The following PCDHGC5 variants were observed in gnomAD, a reference collection of about 807,000 sequenced individuals.
PCDHGC5 encodes protocadherin gamma-C5.
In PCDHGC5, 25 loss-of-function variants were observed where a neutral mutation model predicts 59.0. That is an observed-to-expected ratio of 0.42 (90% CI 0.31 to 0.59). PCDHGC5 has a LOEUF of 0.59. PCDHGC5 is among the 20% of genes least tolerant of loss of function. The pLI is 0.13. For missense variants in PCDHGC5, 1,067 were observed against 1,206.4 expected, an observed-to-expected ratio of 0.88 and a Z score of 1.71; for synonymous variants, 434 against 505.5, an observed-to-expected ratio of 0.86 and a Z score of 1.90.
Position 141,491,676 on chromosome 5 carries a change from T to C in PCDHGC5, c.2436T>C (p.Ser812=). The change falls in exon 1 of 4, where the codon TCT becomes TCC. Residue 812 remains serine, a synonymous_variant. Coordinates refer to ENST00000252087, the MANE Select transcript of PCDHGC5 (RefSeq NM_018929.3). The surrounding 1 kb of genome is among the most constrained non-coding windows in gnomAD (Gnocchi z 6.9). ...AGCCTGACGCCATCCGGTCCCGCTC[T>C]AATACGCTGCGGGAGCGGAGCCAGG... ...ALEPDAIRSR[S]NTLRERSQQA... 3.1e-6 allele frequency: 5 copies of C among 1,613,546 alleles called. No individual in the cohort carries two copies. Among genetic ancestry groups the C allele is most frequent in the Non-Finnish European group, 4.2e-6 (5 of 1,179,848 alleles).
intron 2 of PCDHGC5, among the ~76,000 whole-genome samples, chr5:141,503,595 G>T (rs6892628): frequency 0.52 from 72,995 of 139,870 alleles, 19,322 homozygotes; most frequent in African/African-American, 0.64. Flanking sequence ...CGAGACTCCA[G>T]CTCAAAAAAA....
chr5:141,499,689 C>CTTTTT (rs545067566), intron 2 of PCDHGC5, among the ~76,000 whole-genome samples: 5 of 119,848 alleles, frequency 4.2e-5, no homozygotes, highest in Admixed American at 8.7e-5. Context: ...TAACAGATGA[C>CTTTTT]TTTTTTTTTT....
chr5:141,490,045 C>G lies in PCDHGC5; in HGVS notation c.805C>G (p.Pro269Ala), dbSNP rs530803072. 6 of 1,614,114 alleles carry G rather than the reference C, an allele frequency of 3.7e-6. No individual in the cohort carries two copies. The highest frequency in any genetic ancestry group is 5.1e-6 in the Non-Finnish European group (6 of 1,180,014). The change falls in exon 1 of 4, where the codon CCA (proline) becomes GCA (alanine). Residue 269 changes from proline (P) to alanine (A), a missense_variant. Pro to Ala is a conservative substitution (Grantham distance 27, BLOSUM62 -1). Coordinates refer to ENST00000252087, the MANE Select transcript of PCDHGC5 (RefSeq NM_018929.3). This position sits in a 1 kb window ranked among gnomAD's most constrained non-coding sequence, Gnocchi z 5.4. ...TLLLRLNATDPDEGTNGQLDY... is the reference protein window; with the variant it reads ...TLLLRLNATDADEGTNGQLDY... ...GCTGCTCCGCCTCAATGCCACTGAT[C>G]CAGACGAGGGCACCAACGGCCAACT...
intron 2 of PCDHGC5, among the ~76,000 whole-genome samples, chr5:141,500,381 T>G (rs1013284512): frequency 7.2e-5 from 11 of 151,786 alleles, no homozygotes; most frequent in African/African-American, 2.7e-4. Flanking sequence ...GCTAATTATT[T>G]TGTATTTTTA....
intron 2 of PCDHGC5, among the ~76,000 whole-genome samples, chr5:141,501,287 TTA>T (rs1491235092): frequency 6.2e-5 from 6 of 96,980 alleles, no homozygotes; most frequent in African/African-American, 2.5e-4. Context: ...GGATATTCCC[TTA>T]TACACACACA....
At chr5:141,502,398 C>T (rs1303456458) in intron 2 of PCDHGC5, among the ~76,000 whole-genome samples, 1 of 151,688 alleles carries the variant, frequency 6.6e-6, no homozygotes, top group Non-Finnish European at 1.5e-5. Flanking sequence ...TTAAAATGTC[C>T]CCGAACCTGG....
chr5:141,507,296 C>T (rs1020117646), intron 3 of PCDHGC5: 1 of 141,360 alleles, frequency 7.1e-6, no homozygotes, highest in Non-Finnish European at 1.5e-5. Flanking sequence ...TCAAATGTTG[C>T]ATGAGACATA....
chr5:141,490,623 T>C lies in PCDHGC5; in HGVS notation c.1383T>C (p.Ala461=). The C allele has an allele frequency of 3.1e-6, 5 of 1,614,174 alleles. No individual in the cohort carries two copies. The highest frequency in any genetic ancestry group is 4.2e-6 in the Non-Finnish European group (5 of 1,180,020). ...GCTTCAACCAGCAGCTTTACACTGC[T>C]TACATCCTAGAAAACCGGCCTCCGG... ...APRFNQQLYT[A]YILENRPPGS... is the part of the protein sequence containing the mutation. The change falls in exon 1 of 4, where the codon GCT becomes GCC. Residue 461 remains alanine (A), a synonymous_variant. Coordinates refer to ENST00000252087, the MANE Select transcript of PCDHGC5 (RefSeq NM_018929.3). This position sits in a 1 kb window ranked among gnomAD's most constrained non-coding sequence, Gnocchi z 5.4.
rs759587995 is a variant in PCDHGC5, at chr5:141,491,802, G to T, written c.2460+102G>T. On this transcript the variant is annotated intron_variant, in intron 1 of 3. Coordinates refer to ENST00000252087, the MANE Select transcript of PCDHGC5 (RefSeq NM_018929.3). The surrounding 1 kb of genome is among the most constrained non-coding windows in gnomAD (Gnocchi z 6.9). ...ACTTGCATCCACTCCTCTCCGGCCGGCTTGGTCGCTGGCTGCGCTCCACCC... is the reference window on the plus strand; with the variant it reads ...ACTTGCATCCACTCCTCTCCGGCCGTCTTGGTCGCTGGCTGCGCTCCACCC... 1 of 1,497,480 alleles carries T rather than the reference G, an allele frequency of 6.7e-7. No individual in the cohort carries two copies. Among genetic ancestry groups the T allele is most frequent in the East Asian group, 2.5e-5 (1 of 40,518 alleles). The allele number at this position is 1,497,480 out of a possible 1,614,324, so 92.8% of individuals were successfully genotyped here. A position where few individuals can be genotyped will look rare whatever the true frequency, so the allele number is the denominator to read the frequency against.
chr5:141,509,882 GTGAC>G (rs1186067105), intron 3 of PCDHGC5, among the ~76,000 whole-genome samples: 1 of 152,182 alleles, frequency 6.6e-6, no homozygotes, highest in Non-Finnish European at 1.5e-5. Context: ...GGTGGTGATG[GTGAC>G]TGACTGTCCC....
Position 141,491,067 on chromosome 5 carries a change from G to A in PCDHGC5, c.1827G>A (p.Leu609=), listed in dbSNP as rs752758445. The change falls in exon 1 of 4, where the codon CTG becomes CTA. Residue 609 remains leucine (L), a synonymous_variant. Coordinates refer to ENST00000252087, the MANE Select transcript of PCDHGC5 (RefSeq NM_018929.3). This position sits in a 1 kb window ranked among gnomAD's most constrained non-coding sequence, Gnocchi z 6.9. The part of the protein sequence containing the change: ...AGHNAWLSYS[L]LPQSTAPGLF... ...ACAATGCGTGGCTCTCCTACTCACT[G>A]TTGCCACAGTCCACAGCCCCAGGAC... is the stretch of plus-strand genomic sequence containing the variant. 6.2e-7 allele frequency: 1 copy of A among 1,614,200 alleles called. No individual in the cohort carries two copies. Among genetic ancestry groups the A allele is most frequent in the East Asian group, 2.2e-5 (1 of 44,892 alleles).
chr5:141,499,635 A>C (rs578081078), intron 2 of PCDHGC5, among the ~76,000 whole-genome samples: 16 of 152,136 alleles, frequency 1.1e-4, no homozygotes, highest in African/African-American at 3.6e-4. Context: ...CTTTTGAAGC[A>C]AATCTCAGAC....
chr5:141,494,675 C>A, intron 1 of PCDHGC5, 132 bp from the exon 2 acceptor site: 2 of 1,548,574 alleles, frequency 1.3e-6, no homozygotes, highest in South Asian at 1.2e-5. Flanking sequence ...TGAGTCCACC[C>A]CTGCCCCCTC....
rs188117490 is a variant in PCDHGC5 at position 141,507,256 on chromosome 5, C to G, written c.2608+1775C>G. 3 of 152,178 alleles carry G rather than the reference C, an allele frequency of 2.0e-5. No individual in the cohort carries two copies. In the East Asian group the frequency reaches 5.8e-4, roughly 29 times the overall value. The allele number at this position is 152,178 out of a possible 1,614,324, so 9.4% of individuals were successfully genotyped here. ...CAGTTACAGTTGAATGTCAGATAAA[C>G]AGCAAGTACTATTTCAGCATAAGTC... On this transcript the variant is annotated intron_variant, in intron 3 of 3. Coordinates refer to ENST00000252087, the MANE Select transcript of PCDHGC5 (RefSeq NM_018929.3).
Position 141,504,677 on chromosome 5 carries a change from T to C in PCDHGC5, c.2520-716T>C, listed in dbSNP as rs552242248. 4.7e-5 allele frequency among the ~76,000 whole-genome samples: 7 copies of C among 147,580 alleles called. No homozygotes were observed. In the East Asian group the frequency reaches 1.5e-3, roughly 31 times the overall value. ...TTTGAGGGCGGGGGGTGGGGGTTCT[T>C]GTAAAATAGGAGGGGCAGGTTCTTC... On this transcript the variant is annotated intron_variant, in intron 2 of 3. Transcript: ENST00000252087.
At position 141,489,099 on chromosome 5, in the gene PCDHGC5, G is replaced by C; in HGVS notation, c.-142G>C. 5.5e-6 allele frequency: 2 copies of C among 361,982 alleles called. No homozygotes were observed. The highest frequency in any genetic ancestry group is 5.0e-5 in the South Asian group (1 of 19,862). 22.4% of individuals were successfully genotyped at this position (361,982 alleles called of 1,614,324 possible). On this transcript the variant is annotated 5_prime_UTR_variant, in exon 1 of 4. Coordinates refer to ENST00000252087, the MANE Select transcript of PCDHGC5 (RefSeq NM_018929.3). The surrounding 1 kb of genome is among the most constrained non-coding windows in gnomAD (Gnocchi z 4.5). Reference sequence around the variant, plus strand: ...CCCCGCCACTCGGTGACTAAGAACTGCTGCAAGCAGGCAAACCTCCGAGCA... The same window carrying C: ...CCCCGCCACTCGGTGACTAAGAACTCCTGCAAGCAGGCAAACCTCCGAGCA...
At chr5:141,500,184 T>A (rs889800014) in intron 2 of PCDHGC5, among the ~76,000 whole-genome samples, 89 of 135,966 alleles carry the variant, frequency 6.5e-4, no homozygotes, top group African/African-American at 2.4e-3. Flanking sequence ...TCATTTTTAT[T>A]TTTATTTATT....
At chr5:141,497,461 A>G (rs541848982) in intron 2 of PCDHGC5, among the ~76,000 whole-genome samples, 2 of 151,526 alleles carry the variant, frequency 1.3e-5, no homozygotes, top group Admixed American at 1.3e-4. Context: ...GCTCTTGGAG[A>G]TATGGAGGAG....
At chr5:141,506,609 T>C (rs1375963880) in intron 3 of PCDHGC5, among the ~76,000 whole-genome samples, 1 of 152,184 alleles carries the variant, frequency 6.6e-6, no homozygotes, top group African/African-American at 2.4e-5. Context: ...GATCTCATTG[T>C]GGTGTTACCA....
Sources: allele counts gnomAD v4.1 joint callset (sites outside exome capture counted in the v4.1 genomes callset), GRCh38; gene constraint gnomAD v4.1.1; non-coding constraint Gnocchi (gnomAD v3.1); transcripts MANE v1.5; gene names NCBI Gene and HGNC (gene_info 2026-07-23, HGNC 2026-07-21).